The following CCSER1 variants were observed in gnomAD, a reference collection of about 807,000 sequenced individuals.
CCSER1 encodes coiled-coil serine rich protein 1.
Under a neutral mutation model 82.0 loss-of-function variants are expected in CCSER1, and 41 were observed. The ratio of observed to expected loss-of-function variants is 0.50; its 90% CI spans 0.39 to 0.65. The LOEUF is 0.65. Among genes scored for constraint, CCSER1 ranks in the 30% least tolerant of loss-of-function variants. The probability of loss-of-function intolerance (pLI) is 0.00; values close to 1 mark genes in which losing one functional copy is unlikely to be tolerated. For synonymous variants in CCSER1, 414 were observed against 383.9 expected, an observed-to-expected ratio of 1.08 and a Z score of -0.92; for missense variants, 1,119 against 1,064.2, an observed-to-expected ratio of 1.05 and a Z score of -0.72.
chr4:90,738,953 G>A (rs1746098224), intron 7 of CCSER1, among the ~76,000 whole-genome samples: 2 of 152,176 alleles, frequency 1.3e-5, no homozygotes, highest in Non-Finnish European at 2.9e-5. Flanking sequence ...CTTGTTTGTT[G>A]CTCTTCCCCA....
chr4:91,161,793 A>T (rs1381688075), intron 10 of CCSER1, among the ~76,000 whole-genome samples: 1 of 152,136 alleles, frequency 6.6e-6, no homozygotes, highest in East Asian at 1.9e-4. Context: ...GCAATAAGAC[A>T]TAAGCAACAT....
chr4:91,225,983 A>G (rs1581802318), intron 10 of CCSER1, among the ~76,000 whole-genome samples: 1 of 151,934 alleles, frequency 6.6e-6, no homozygotes. Flanking sequence ...GTTGACAGAC[A>G]AAAACATTAG....
At chr4:90,523,247 A>G (rs961748928) in intron 5 of CCSER1, among the ~76,000 whole-genome samples, 3 of 152,144 alleles carry the variant, frequency 2.0e-5, no homozygotes, top group African/African-American at 7.2e-5. Flanking sequence ...TAAATGGTTC[A>G]AGTTTATATG....
chr4:90,460,152 C>G (rs1007227556), intron 4 of CCSER1, among the ~76,000 whole-genome samples: 11 of 146,392 alleles, frequency 7.5e-5, no homozygotes, highest in Non-Finnish European at 1.5e-4. Flanking sequence ...CGGTGAAACC[C>G]CGTCTCTACT....
chr4:91,348,209 A>G (rs1400376305), intron 10 of CCSER1, among the ~76,000 whole-genome samples: 1 of 152,030 alleles, frequency 6.6e-6, no homozygotes, highest in Non-Finnish European at 1.5e-5. Context: ...GTTTTTTTAG[A>G]TGCTTTTGCT....
At chr4:90,318,912 A>G (rs955984292) in intron 3 of CCSER1, among the ~76,000 whole-genome samples, 1 of 152,204 alleles carries the variant, frequency 6.6e-6, no homozygotes, top group Non-Finnish European at 1.5e-5. Context: ...AAGGTTAAAC[A>G]TTATCTTGCC....
chr4:90,797,138 A>G (rs960491595), intron 7 of CCSER1, among the ~76,000 whole-genome samples: 1 of 152,210 alleles, frequency 6.6e-6, no homozygotes, highest in South Asian at 2.1e-4. Context: ...AAGGTCTCCA[A>G]TAACTTGATT....
At chr4:90,249,428 A>C (rs1405071379) in intron 1 of CCSER1, among the ~76,000 whole-genome samples, 1 of 152,202 alleles carries the variant, frequency 6.6e-6, no homozygotes, top group East Asian at 1.9e-4. Context: ...TGCAACTCAG[A>C]GTAAATTTTA....
chr4:91,547,974 G>T (rs1039582473), intron 10 of CCSER1, among the ~76,000 whole-genome samples: 5 of 151,908 alleles, frequency 3.3e-5, no homozygotes, highest in Admixed American at 3.3e-4. Flanking sequence ...GTAGAGATGG[G>T]GTTTCACCAT....
chr4:90,491,789 C>T (rs1320349035), intron 5 of CCSER1, among the ~76,000 whole-genome samples: 2 of 152,140 alleles, frequency 1.3e-5, no homozygotes, highest in Non-Finnish European at 2.9e-5. Context: ...TGGTTTTTGT[C>T]TTTGGTTCTG....
intron 10 of CCSER1, among the ~76,000 whole-genome samples, chr4:91,572,080 C>T (rs1763213356): frequency 6.6e-6 from 1 of 152,034 alleles, no homozygotes; most frequent in Non-Finnish European, 1.5e-5. Flanking sequence ...GGCTCGATAA[C>T]TCTGGTGGGG....
intron 9 of CCSER1, among the ~76,000 whole-genome samples, chr4:90,930,445 TA>T (rs975528004): frequency 4.0e-5 from 6 of 150,182 alleles, no homozygotes; most frequent in Non-Finnish European, 5.9e-5. Context: ...ACTAAAAATT[TA>T]AAAAAAAAAT....
At chr4:91,112,246 G>A (rs191703830) in intron 10 of CCSER1, among the ~76,000 whole-genome samples, 1 of 152,058 alleles carries the variant, frequency 6.6e-6, no homozygotes, top group Non-Finnish European at 1.5e-5. Flanking sequence ...GAATAATGAC[G>A]TTTCCTAAAG....
At chr4:91,443,715 A>T (rs1755367234) in intron 10 of CCSER1, among the ~76,000 whole-genome samples, 1 of 148,322 alleles carries the variant, frequency 6.7e-6, no homozygotes, top group Non-Finnish European at 1.5e-5. Context: ...AAAATTAAGT[A>T]TAGAGAAAAC....
In CCSER1 at chr4:90,461,210, C is replaced by T. The variant is rs950587695; in HGVS notation, c.1604-7024C>T. On this transcript the variant is annotated intron_variant, in intron 4 of 10. Coordinates refer to ENST00000509176, the MANE Select transcript of CCSER1 (RefSeq NM_001145065.2). ...CCTCCCAAGTAGCTGGGACTACAGG[C>T]GCCCGCCACTACGCCCGGCTAATTT... Among the ~76,000 whole-genome samples, 6 of 137,884 alleles carry T rather than the reference C, an allele frequency of 4.4e-5. 1 individual carries two copies. In the East Asian group the frequency reaches 9.8e-4, roughly 23 times the overall value. 90.5% of individuals were successfully genotyped at this position (137,884 alleles called of 152,430 possible). A position where few individuals can be genotyped will look rare whatever the true frequency, so the allele number is the denominator to read the frequency against.
intron 9 of CCSER1, among the ~76,000 whole-genome samples, chr4:91,001,686 G>C (rs1017866382): frequency 6.6e-6 from 1 of 152,096 alleles, no homozygotes; most frequent in Non-Finnish European, 1.5e-5. Context: ...ACAGATAGTT[G>C]GTTGGTGAAT....
chr4:91,197,155 A>T (rs1487447173), intron 10 of CCSER1, among the ~76,000 whole-genome samples: 1 of 152,194 alleles, frequency 6.6e-6, no homozygotes, highest in Non-Finnish European at 1.5e-5. Context: ...CTGTATTATC[A>T]GGAAACACCA....
chr4:90,393,772 CTTTTTT>C (rs997027362), intron 3 of CCSER1, among the ~76,000 whole-genome samples: 1 of 111,358 alleles, frequency 9.0e-6, no homozygotes, highest in Non-Finnish European at 1.8e-5. Context: ...TTATATCTTC[CTTTTTT>C]TTTTTTTTTT....
At chr4:90,647,700 A>G (rs1252763730) in intron 6 of CCSER1, among the ~76,000 whole-genome samples, 4 of 152,184 alleles carry the variant, frequency 2.6e-5, no homozygotes. Flanking sequence ...CATTGATTGT[A>G]GAGTCGGGTG....
Sources: gnomAD v4.1 joint callset for allele counts (sites outside exome capture counted in the v4.1 genomes callset) on GRCh38, gnomAD v4.1.1 for gene constraint, MANE v1.5 for transcripts, NCBI Gene and HGNC (gene_info 2026-07-23, HGNC 2026-07-21) for gene names.